LRRN2: variants seen among roughly 807,000 people sequenced by gnomAD.
The protein encoded by LRRN2 is leucine rich repeat neuronal 2, also known as leucine-rich repeat neuronal protein 2.
Under a neutral mutation model 35.7 loss-of-function variants are expected in LRRN2, and 10 were observed. The ratio of observed to expected loss-of-function variants is 0.28; its 90% CI spans 0.17 to 0.47. The LOEUF (loss-of-function observed/expected upper bound fraction) is 0.47. Among genes scored for constraint, LRRN2 ranks in the 20% least tolerant of loss-of-function variants. The pLI is 0.99. For synonymous variants in LRRN2, 391 were observed against 409.6 expected (o/e 0.95, Z 0.55); for missense variants, 731 against 940.3 (o/e 0.78, Z 2.91).
In LRRN2 at chr1:204,619,156, C is replaced by T. The variant is rs201479717; in HGVS notation, c.837G>A (p.Gly279=). 5 of 1,614,050 alleles carry T rather than the reference C, an allele frequency of 3.1e-6. No homozygotes were observed. The Admixed American group carries it at 6.7e-5, about 22-fold the overall frequency. The change falls in exon 2 of 2, where the codon GGG becomes GGA. Residue 279 remains glycine (G), a synonymous_variant. Transcript: ENST00000367177. Reference sequence around the variant, plus strand: ...TAAGGTGCAGCATGTTGGCAAAGTCCCCCGGCCCTACCCGCTGGAGCGGGT... The same window carrying T: ...TAAGGTGCAGCATGTTGGCAAAGTCTCCCGGCCCTACCCGCTGGAGCGGGT... ...NKNPLQRVGP[G]DFANMLHLKE...
intron 1 of LRRN2, among the ~76,000 whole-genome samples, chr1:204,647,809 C>A (rs1399442732): frequency 6.6e-6 from 1 of 152,110 alleles, no homozygotes; most frequent in Non-Finnish European, 1.5e-5. Context: ...TGTGGCCAGT[C>A]CAAATGGAGA....
chr1:204,684,878 G>A (rs899572422), intron 1 of LRRN2, among the ~76,000 whole-genome samples: 1 of 152,146 alleles, frequency 6.6e-6, no homozygotes, highest in Non-Finnish European at 1.5e-5. Flanking sequence ...GCTCTGGAGC[G>A]CTTCCAGCCT....
chr1:204,637,720 A>G (rs1667869349), intron 1 of LRRN2, among the ~76,000 whole-genome samples: 1 of 149,038 alleles, frequency 6.7e-6, no homozygotes, highest in African/African-American at 2.5e-5. Context: ...AGAGGGTGGT[A>G]GAGAGGACTC....
intron 1 of LRRN2, among the ~76,000 whole-genome samples, chr1:204,635,197 T>A (rs1457046338): frequency 1.3e-5 from 2 of 152,210 alleles, no homozygotes; most frequent in African/African-American, 4.8e-5. Context: ...AAGGATCTTA[T>A]TTGCTGACTA....
chr1:204,655,011 G>T (rs1227884247), intron 1 of LRRN2, among the ~76,000 whole-genome samples: 1 of 152,224 alleles, frequency 6.6e-6, no homozygotes, highest in East Asian at 1.9e-4. Flanking sequence ...GGGAGCTGTG[G>T]TCTGAGTGTA....
intron 1 of LRRN2, among the ~76,000 whole-genome samples, chr1:204,654,326 A>G (rs1668298478): frequency 6.6e-6 from 1 of 152,214 alleles, no homozygotes; most frequent in Admixed American, 6.5e-5. Flanking sequence ...CTGAAGATTT[A>G]TGGGTTTGAA....
At chr1:204,653,604 T>C (rs1668280061) in intron 1 of LRRN2, among the ~76,000 whole-genome samples, 1 of 152,334 alleles carries the variant, frequency 6.6e-6, no homozygotes, top group Non-Finnish European at 1.5e-5. Context: ...CTCATGCCTG[T>C]AATCCTAGTG....
At chr1:204,684,145 C>A (rs1286180978) in intron 1 of LRRN2, among the ~76,000 whole-genome samples, 1 of 152,126 alleles carries the variant, frequency 6.6e-6, no homozygotes, top group Non-Finnish European at 1.5e-5. Context: ...CCTACATCTT[C>A]CCCTATGACA....
chr1:204,651,878 G>A (rs1203033303), intron 1 of LRRN2, among the ~76,000 whole-genome samples: 1 of 152,144 alleles, frequency 6.6e-6, no homozygotes, highest in African/African-American at 2.4e-5. Flanking sequence ...TAGGGCCTAA[G>A]AATTACCAGC....
chr1:204,634,134 G>T (rs1667774637), intron 1 of LRRN2, among the ~76,000 whole-genome samples: 2 of 152,214 alleles, frequency 1.3e-5, no homozygotes, highest in African/African-American at 4.8e-5. Context: ...AAGCCTTAAT[G>T]ATTTTTACTG....
intron 1 of LRRN2, among the ~76,000 whole-genome samples, chr1:204,655,596 A>G (rs926679095): frequency 6.8e-6 from 1 of 146,880 alleles, no homozygotes; most frequent in Non-Finnish European, 1.5e-5. Flanking sequence ...ATGCCCAGCC[A>G]GGTGAGGTTT....
intron 1 of LRRN2, among the ~76,000 whole-genome samples, chr1:204,661,384 G>A (rs1453736995): frequency 1.3e-5 from 2 of 152,130 alleles, no homozygotes; most frequent in Non-Finnish European, 2.9e-5. Flanking sequence ...TCAAACTCAA[G>A]TTGCCCACGT....
intron 1 of LRRN2, among the ~76,000 whole-genome samples, chr1:204,644,505 ATTTC>A (rs1668056204): frequency 6.6e-6 from 1 of 151,848 alleles, no homozygotes; most frequent in African/African-American, 2.4e-5. Context: ...CTCTTTTGTG[ATTTC>A]AGGTCTTTGA....
At chr1:204,648,703 C>T (rs952348596) in intron 1 of LRRN2, among the ~76,000 whole-genome samples, 4 of 152,212 alleles carry the variant, frequency 2.6e-5, no homozygotes, top group African/African-American at 9.7e-5. Context: ...TGCTGAGAAC[C>T]AGGCCATGAG....
chr1:204,655,423 G>A (rs1339333344), intron 1 of LRRN2, among the ~76,000 whole-genome samples: 3 of 152,132 alleles, frequency 2.0e-5, no homozygotes, highest in Non-Finnish European at 4.4e-5. Flanking sequence ...AAGTAGCTGG[G>A]ACTACTGGCA....
At position 204,618,508 on chromosome 1, in the gene LRRN2, G is replaced by A. The variant is rs1468620470; in HGVS notation, c.1485C>T (p.Tyr495=). The change falls in exon 2 of 2, where the codon TAC becomes TAT. Residue 495 remains tyrosine, a synonymous_variant. Transcript: ENST00000367177. The part of the protein sequence containing the change: ...RRVTAEEAGL[Y]TCVAQNLVGA... ...CCACCAGGTTCTGGGCCACACAGGTGTATAGCCCTGCCTCTTCTGCTGTCA... is the reference window on the plus strand; with the variant it reads ...CCACCAGGTTCTGGGCCACACAGGTATATAGCCCTGCCTCTTCTGCTGTCA... The A allele has an allele frequency of 2.5e-6, 4 of 1,614,218 alleles. No homozygotes were observed. Among genetic ancestry groups the A allele is most frequent in the African/African-American group, 1.3e-5 (1 of 75,068 alleles).
At chr1:204,651,914 C>A (rs1403581729) in intron 1 of LRRN2, among the ~76,000 whole-genome samples, 1 of 152,224 alleles carries the variant, frequency 6.6e-6, no homozygotes, top group Non-Finnish European at 1.5e-5. Context: ...CCCGAGGCTG[C>A]TTCCTTTCTC....
chr1:204,681,804 G>T (rs895465570), intron 1 of LRRN2, among the ~76,000 whole-genome samples: 2 of 152,192 alleles, frequency 1.3e-5, no homozygotes, highest in Admixed American at 1.3e-4. Context: ...TTTCTGACTC[G>T]TCCTTTCAGC....
chr1:204,661,479 A>G (rs535741286), intron 1 of LRRN2, among the ~76,000 whole-genome samples: 164 of 152,360 alleles, frequency 1.1e-3, no homozygotes, highest in South Asian at 7.5e-3. Context: ...TTTCCTGTAC[A>G]TAAGAATCCT....
Sources: allele counts gnomAD v4.1 joint callset (sites outside exome capture counted in the v4.1 genomes callset), GRCh38; gene constraint gnomAD v4.1.1; transcripts MANE v1.5; gene names NCBI Gene and HGNC (gene_info 2026-07-23, HGNC 2026-07-21).